Variants in WDR90 observed in about 807,000 individuals in gnomAD.
The protein encoded by WDR90 is WD repeat-containing protein 90.
WDR90 carries 238 observed loss-of-function variants against 195.2 expected under a neutral mutation model. The ratio of observed to expected loss-of-function variants is 1.22; its 90% CI spans 1.10 to 1.36. The LOEUF (loss-of-function observed/expected upper bound fraction) is 1.36. Ranked by LOEUF, WDR90 falls within the 40% of genes most tolerant of loss-of-function variation. The probability of loss-of-function intolerance (pLI) is 0.00; values close to 1 mark genes in which losing one functional copy is unlikely to be tolerated. For missense variants in WDR90, 2,734 were observed against 2,439.5 expected, an observed-to-expected ratio of 1.12 and a Z score of -2.54; for synonymous variants, 1,265 against 1,052.4, an observed-to-expected ratio of 1.20 and a Z score of -3.91.
chr16:657,853 G>C lies in WDR90; in HGVS notation c.2565G>C (p.Arg855Ser), dbSNP rs1241571487. ...GRLLAFVGPS[R>S]CTVTVMGSAS... ...TGCTGGCCTTTGTGGGACCCTCCAG[G>C]TGCACAGTGACAGTCATGGGCTCGG... The change falls in exon 21 of 41, where the codon AGG becomes AGC. Residue 855 changes from arginine (R) to serine (S), a missense_variant. Coordinates refer to ENST00000293879, the MANE Select transcript of WDR90 (RefSeq NM_145294.5). 4 of 1,590,082 alleles carry C rather than the reference G, an allele frequency of 2.5e-6. No individual in the cohort carries two copies. The Admixed American group carries it at 7.1e-5, about 28-fold the overall frequency.
rs995883428 is a variant in WDR90 at position 667,597 on chromosome 16, C to T, written c.*8C>T. On this transcript the variant is annotated 3_prime_UTR_variant, in exon 41 of 41. Coordinates refer to ENST00000293879, the MANE Select transcript of WDR90 (RefSeq NM_145294.5). ...GAGGTCCCCGGCCTCTGAGATGCAG[C>T]AGGGACTGTGGTGGTGGGCATCACG... 1 of 1,605,542 alleles carries T rather than the reference C, an allele frequency of 6.2e-7. No individual in the cohort carries two copies. Among genetic ancestry groups the T allele is most frequent in the African/African-American group, 1.3e-5 (1 of 75,050 alleles).
Position 651,657 on chromosome 16 carries a change from G to A in WDR90, c.750G>A (p.Pro250=), listed in dbSNP as rs770092573. The part of the protein sequence containing the change: ...CSPPEAVLLG[P]GPQPLPCPVA... ...GCTCTGTTCTAGTCCTCCTGGGGCC[G>A]GGGCCACAGCCTCTCCCTTGCCCGG... Residue 250 remains proline, a synonymous_variant, in exon 8 of 41, where the codon CCG becomes CCA. Transcript: ENST00000293879. The A allele has an allele frequency of 1.8e-5, 29 of 1,612,112 alleles. No individual in the cohort carries two copies. The highest frequency in any genetic ancestry group is 1.3e-4 in the East Asian group (6 of 44,896).
Position 665,947 on chromosome 16 carries a change from C to T in WDR90, c.4435-3C>T. 1 of 1,581,838 alleles carries T rather than the reference C, an allele frequency of 6.3e-7. No homozygotes were observed. Among genetic ancestry groups the T allele is most frequent in the Non-Finnish European group, 8.6e-7 (1 of 1,164,730 alleles). On this transcript the variant is annotated splice_polypyrimidine_tract_variant and splice_region_variant and intron_variant, in intron 35 of 40. Coordinates refer to ENST00000293879, the MANE Select transcript of WDR90 (RefSeq NM_145294.5). ...CTGAAGTTTCCCCACTGTGGGTCCC[C>T]AGAGCTGCCTCTGCCTGGCATGGAG...
chr16:657,732 C>T (rs1480407526), intron 20 of WDR90, 30 bp from the exon 21 acceptor site: 1 of 1,517,452 alleles, frequency 6.6e-7, no homozygotes, highest in African/African-American at 1.4e-5. Context: ...CACTCCCCAC[C>T]CAGCTGACCC....
chr16:658,322 T>C lies in WDR90; in HGVS notation c.2744T>C (p.Val915Ala), dbSNP rs773887230. 6.2e-7 allele frequency: 1 copy of C among 1,612,522 alleles called. No individual in the cohort carries two copies. Among genetic ancestry groups the C allele is most frequent in the African/African-American group, 1.3e-5 (1 of 75,048 alleles). ...SSNRVVVLDAVSGRIIRELPG... is the reference protein window; with the variant it reads ...SSNRVVVLDAASGRIIRELPG... ...AACAGAGTCGTGGTGCTGGATGCTG[T>C]GTCGGGCCGCATCATCCGGGAGGTG... Residue 915 changes from valine (V) to alanine (A), a missense_variant, in exon 22 of 41, where the codon GTG (valine) becomes GCG (alanine). Transcript: ENST00000293879.
intron 31 of WDR90, 45 bp downstream of exon 31, chr16:661,832 T>C (rs1596468230): frequency 1.3e-6 from 2 of 1,586,780 alleles, no homozygotes; most frequent in East Asian, 4.5e-5. Context: ...TTTTGTGGGG[T>C]GGAATCTGCC....
In WDR90 at chr16:662,761, G is replaced by A. The variant is rs367728153; in HGVS notation, c.4228G>A (p.Val1410Met). The A allele has an allele frequency of 8.4e-5, 135 of 1,607,190 alleles. No homozygotes were observed. The highest frequency in any genetic ancestry group is 1.0e-4 in the Non-Finnish European group (119 of 1,176,222). Reference protein sequence around the residue: ...SFDDSVDMGVVGTTAGTLWFV... With the variant: ...SFDDSVDMGVMGTTAGTLWFV... Reference sequence around the variant, plus strand: ...CGATGACAGCGTGGACATGGGCGTCGTGGGCACCACGGCGGGCACGCTGTG... The same window carrying A: ...CGATGACAGCGTGGACATGGGCGTCATGGGCACCACGGCGGGCACGCTGTG... The change falls in exon 34 of 41, where the codon GTG becomes ATG. Residue 1410 changes from valine (V) to methionine (M), a missense_variant. Physicochemically the swap from Val to Met is conservative, Grantham distance 21. Transcript: ENST00000293879.
At chr16:653,869 C>A in intron 13 of WDR90, 66 bp downstream of exon 13, 1 of 1,577,818 alleles carries the variant, frequency 6.3e-7, no homozygotes, top group South Asian at 1.1e-5. Context: ...CTGGAAGGGT[C>A]TTGGTTTTCT....
At position 667,344 on chromosome 16, in the gene WDR90, C is replaced by T. The variant is rs1051218775; in HGVS notation, c.5090-88C>T. The T allele has an allele frequency of 2.1e-5, 32 of 1,501,818 alleles. No homozygotes were observed. In the African/African-American group the frequency reaches 4.1e-4, roughly 19 times the overall value. The allele number at this position is 1,501,818 out of a possible 1,614,324, so 93.0% of individuals were successfully genotyped here. ...ACCAGCTCCCCCGACCAGCATCATG[C>T]CCAGTGGGGACAGTCTGGGTGGGTT... On this transcript the variant is annotated intron_variant, in intron 40 of 40. Transcript: ENST00000293879.
intron 1 of WDR90, 104 bp from the exon 2 acceptor site, chr16:649,659 G>C: frequency 8.2e-7 from 1 of 1,219,662 alleles, no homozygotes; most frequent in Non-Finnish European, 1.1e-6. Flanking sequence ...GGGAAGGCGC[G>C]GAGAGCCCCG....
At chr16:662,925 C>T in intron 34 of WDR90, 81 bp downstream of exon 34, 1 of 1,522,102 alleles carries the variant, frequency 6.6e-7, no homozygotes, top group Non-Finnish European at 8.8e-7. Context: ...CTCCACCAGC[C>T]CAGATGATTC....
At chr16:656,678 C>G in intron 18 of WDR90, 54 bp from the exon 19 acceptor site, 1 of 1,586,052 alleles carries the variant, frequency 6.3e-7, no homozygotes, top group Non-Finnish European at 8.6e-7. Flanking sequence ...GCCTGGAGAG[C>G]CCCTGGGCCC....
Position 661,931 on chromosome 16 carries a change from A to C in WDR90, c.3905A>C (p.Glu1302Ala). ...EPVPEAVGAGELTSLCYGAPP... is the reference protein window; with the variant it reads ...EPVPEAVGAGALTSLCYGAPP... ...GTCCCAGAGGCAGTGGGGGCTGGAG[A>C]GCTGACCTCGCTCTGCTACGGGGCA... Residue 1302 changes from glutamate to alanine, a missense_variant, in exon 32 of 41, where the codon GAG becomes GCG. Glu to Ala is a moderately radical substitution (Grantham distance 107). Coordinates refer to ENST00000293879, the MANE Select transcript of WDR90 (RefSeq NM_145294.5). The C allele has an allele frequency of 1.9e-6, 3 of 1,609,298 alleles. No individual in the cohort carries two copies. Among genetic ancestry groups the C allele is most frequent in the Non-Finnish European group, 2.5e-6 (3 of 1,179,792 alleles).
At chr16:654,804 G>A (rs1310778716) in intron 13 of WDR90, 9 of 572,662 alleles carry the variant, frequency 1.6e-5, no homozygotes, top group African/African-American at 9.4e-5. Context: ...ACTTCTCTGC[G>A]AATGGGTTGC....
At chr16:654,130 G>C (rs549180948) in intron 13 of WDR90, 1 of 398,176 alleles carries the variant, frequency 2.5e-6, no homozygotes, top group South Asian at 5.6e-5. Flanking sequence ...GCTGACCCAC[G>C]CTTGGGCATC....
rs540600367 is a variant in WDR90 at position 649,882 on chromosome 16, C to T, written c.102+28C>T. ...AGGCGGCCGGGGGCTCGCCCGGAGC[C>T]CACACCCCTGCCCTGCCCCCAGGAG... On this transcript the variant is annotated intron_variant, in intron 2 of 40. Coordinates refer to ENST00000293879, the MANE Select transcript of WDR90 (RefSeq NM_145294.5). 5 of 1,577,544 alleles carry T rather than the reference C, an allele frequency of 3.2e-6. 1 individual carries two copies. In the East Asian group the frequency reaches 1.2e-4, roughly 37 times the overall value.
rs1009561250 is a variant in WDR90 at position 654,102 on chromosome 16, C to T, written c.1437+299C>T. ...TGGTGATGCGGTTGTAAGATTTTCA[C>T]GTGGCAGAGCCCCTGCAGCTGACCC... On this transcript the variant is annotated intron_variant, in intron 13 of 40. Coordinates refer to ENST00000293879, the MANE Select transcript of WDR90 (RefSeq NM_145294.5). 4 of 440,774 alleles carry T rather than the reference C, an allele frequency of 9.1e-6. No homozygotes were observed. In the Admixed American group the frequency reaches 1.2e-4, roughly 13 times the overall value. The allele number at this position is 440,774 out of a possible 1,614,324, so 27.3% of individuals were successfully genotyped here.
In WDR90 at chr16:653,382, C is replaced by T. The variant is rs970809254; in HGVS notation, c.1164C>T (p.Cys388=). 1.2e-6 allele frequency: 2 copies of T among 1,603,276 alleles called. No homozygotes were observed. The highest frequency in any genetic ancestry group is 1.3e-5 in the African/African-American group (1 of 74,462). Residue 388 remains cysteine, a synonymous_variant, in exon 11 of 41, where the codon TGC becomes TGT. Coordinates refer to ENST00000293879, the MANE Select transcript of WDR90 (RefSeq NM_145294.5). ...ACGGGGCGGCTGTCGTGTACCCCTG[C>T]CATGCGGTCATCGTCGTCCTGCTCG... is the stretch of plus-strand genomic sequence containing the variant. ...TPDGAAVVYP[C]HAVIVVLLVD...
At chr16:660,423 G>A in intron 27 of WDR90, 189 bp from the exon 28 acceptor site, 1 of 666,434 alleles carries the variant, frequency 1.5e-6, no homozygotes, top group East Asian at 2.8e-5. Context: ...AGCCCCACGG[G>A]CCTGTGCCCC....
Sources: gnomAD v4.1 joint callset for allele counts on GRCh38, gnomAD v4.1.1 for gene constraint, MANE v1.5 for transcripts, NCBI Gene and HGNC (gene_info 2026-07-23, HGNC 2026-07-21) for gene names.